The following KCTD3 variants were observed in gnomAD, a reference collection of about 807,000 sequenced individuals.
The protein encoded by KCTD3 is potassium channel tetramerization domain containing 3.
KCTD3 carries 41 observed loss-of-function variants against 85.8 expected under a neutral mutation model. The observed-to-expected ratio is 0.48, with a 90% CI of 0.37 to 0.62. The LOEUF (loss-of-function observed/expected upper bound fraction) is 0.62, where lower values mean the gene tolerates loss of function less well. Ranked by LOEUF, KCTD3 falls within the 20% of genes least tolerant of loss-of-function variation. The pLI is 0.00. For synonymous variants in KCTD3, 338 were observed against 345.4 expected, an observed-to-expected ratio of 0.98 and a Z score of 0.24; for missense variants, 724 against 989.9, an observed-to-expected ratio of 0.73 and a Z score of 3.60.
Position 215,567,642 on chromosome 1 carries a change from C to G in KCTD3, c.-44C>G, listed in dbSNP as rs775243140. The G allele has an allele frequency of 2.0e-5, 24 of 1,192,590 alleles. No homozygotes were observed. The Middle Eastern group carries it at 9.0e-4, about 45-fold the overall frequency. The allele number at this position is 1,192,590 out of a possible 1,614,324, so 73.9% of individuals were successfully genotyped here. On this transcript the variant is annotated 5_prime_UTR_variant, in exon 1 of 18. Transcript: ENST00000259154. ...GCTACAGCCCCGGGCTCGGCGGTCC[C>G]GGCTGGGGAAGGAGGGCGGCGAGCG...
intron 9 of KCTD3, among the ~76,000 whole-genome samples, chr1:215,590,540 T>A (rs999169880): frequency 1.3e-5 from 2 of 152,126 alleles, no homozygotes; most frequent in African/African-American, 4.8e-5. Flanking sequence ...TTTATTTCAT[T>A]TTTTTCTCCA....
intron 10 of KCTD3, among the ~76,000 whole-genome samples, chr1:215,596,716 A>G (rs1558237657): frequency 6.6e-6 from 1 of 152,204 alleles, no homozygotes; most frequent in Non-Finnish European, 1.5e-5. Flanking sequence ...GAAGGAAAGC[A>G]GAGAATCCAA....
At chr1:215,617,627 A>G (rs986738089) in intron 15 of KCTD3, among the ~76,000 whole-genome samples, 2 of 151,710 alleles carry the variant, frequency 1.3e-5, no homozygotes, top group Admixed American at 1.3e-4. Context: ...TCAGAAGGGG[A>G]TAGCTGACCT....
chr1:215,595,218 A>G, intron 9 of KCTD3, 138 bp from the exon 10 acceptor site: 2 of 594,038 alleles, frequency 3.4e-6, no homozygotes, highest in Admixed American at 2.9e-5. Flanking sequence ...TCTTATTTCT[A>G]GTCCCCAACA....
intron 14 of KCTD3, among the ~76,000 whole-genome samples, chr1:215,610,510 A>G (rs1005419019): frequency 2.2e-4 from 34 of 152,036 alleles, no homozygotes; most frequent in African/African-American, 7.2e-4. Flanking sequence ...ATGAAGTTCA[A>G]AGGGAGAGAA....
rs1655698152 is a variant in KCTD3 at position 215,621,714 on chromosome 1, T to TA, written c.*1100dup. On this transcript the variant is annotated 3_prime_UTR_variant, in exon 18 of 18. Coordinates refer to ENST00000259154, the MANE Select transcript of KCTD3 (RefSeq NM_016121.5). Reference sequence around the variant, plus strand: ...GAAATATAAGTGAGTGAAGTTGAAATAAAATCTTTAAAATTTACTATATTG... The same window carrying TA: ...GAAATATAAGTGAGTGAAGTTGAAATAAAAATCTTTAAAATTTACTATATTG... 6.6e-6 allele frequency: 1 copy of TA among 152,504 alleles called. No homozygotes were observed. Among genetic ancestry groups the TA allele is most frequent in the Admixed American group, 6.6e-5 (1 of 15,260 alleles). 9.4% of individuals were successfully genotyped at this position (152,504 alleles called of 1,614,324 possible).
At position 215,620,883 on chromosome 1, in the gene KCTD3, G is replaced by T; in HGVS notation, c.*265G>T. ...TTTTAACACTTACCGACTTTTTTTG[G>T]TTTGGAAACATATTACCACGTCTTA... On this transcript the variant is annotated 3_prime_UTR_variant, in exon 18 of 18. Transcript: ENST00000259154. The T allele has an allele frequency of 2.4e-6, 1 of 425,384 alleles. No homozygotes were observed. Among genetic ancestry groups the T allele is most frequent in the Non-Finnish European group, 4.1e-6 (1 of 242,484 alleles). 26.4% of individuals were successfully genotyped at this position (425,384 alleles called of 1,614,324 possible).
At chr1:215,588,643 C>T (rs965880898) in intron 9 of KCTD3, among the ~76,000 whole-genome samples, 3 of 152,098 alleles carry the variant, frequency 2.0e-5, no homozygotes, top group African/African-American at 7.2e-5. Context: ...AACACTTTGA[C>T]TATTTCAGCA....
In KCTD3 at chr1:215,567,794, A is replaced by G. The variant is rs965427175; in HGVS notation, c.83+26A>G. 6.6e-5 allele frequency: 81 copies of G among 1,226,110 alleles called. 2 individuals carry two copies. The highest frequency in any genetic ancestry group is 7.3e-5 in the Non-Finnish European group (71 of 973,348). The allele number at this position is 1,226,110 out of a possible 1,614,324, so 76.0% of individuals were successfully genotyped here. ...GTGAGTCGGCGGGTAGCGGGCTTGCAGCGGGGATGCCTTGGCGGCCTCCTC... is the reference window on the plus strand; with the variant it reads ...GTGAGTCGGCGGGTAGCGGGCTTGCGGCGGGGATGCCTTGGCGGCCTCCTC... On this transcript the variant is annotated intron_variant, in intron 1 of 17. Transcript: ENST00000259154.
intron 13 of KCTD3, among the ~76,000 whole-genome samples, chr1:215,606,090 C>T (rs1655010706): frequency 6.6e-6 from 1 of 152,148 alleles, no homozygotes; most frequent in East Asian, 1.9e-4. Context: ...TCTTCCCAAT[C>T]CCATGTCACT....
chr1:215,591,812 G>A lies in KCTD3; in HGVS notation c.818-3544G>A, dbSNP rs115139035. Among the ~76,000 whole-genome samples the A allele has an allele frequency of 4.9e-3, 750 of 152,104 alleles. 8 individuals carry two copies. The highest frequency in any genetic ancestry group is 0.017 in the African/African-American group (693 of 41,468). ...TACTAACTCTAGCCTCAAGTTCTTC[G>A]CCTCCTCAGTTCAGGGAAATCATCT... On this transcript the variant is annotated intron_variant, in intron 9 of 17. Coordinates refer to ENST00000259154, the MANE Select transcript of KCTD3 (RefSeq NM_016121.5).
rs540094129 is a variant in KCTD3 at position 215,620,532 on chromosome 1, G to C, written c.2362G>C (p.Gly788Arg). The C allele has an allele frequency of 5.0e-6, 8 of 1,613,720 alleles. No homozygotes were observed. The South Asian group carries it at 8.8e-5, about 18-fold the overall frequency. Residue 788 changes from glycine to arginine, a missense_variant, in exon 18 of 18, where the codon GGT becomes CGT. Gly to Arg is a moderately radical substitution (Grantham distance 125). Coordinates refer to ENST00000259154, the MANE Select transcript of KCTD3 (RefSeq NM_016121.5). ...TTCCGATGGAGGAACTGACTCACCT[G>C]GTACTGCGTCCCCATCTCCTACAAA... ...STSDGGTDSP[G>R]TASPSPTKTT...
rs374406237 is a variant in KCTD3 at position 215,614,918 on chromosome 1, T to C, written c.1562+2997T>C. Among the ~76,000 whole-genome samples, 11 of 152,340 alleles carry C rather than the reference T, an allele frequency of 7.2e-5. No individual in the cohort carries two copies. The South Asian group carries it at 2.3e-3, about 32-fold the overall frequency. On this transcript the variant is annotated intron_variant, in intron 15 of 17. Transcript: ENST00000259154. ...TGACTGTGATGTAGTGTTCTCTGCA[T>C]AGTGAAGAAACTGCCAAATGTTATT...
At chr1:215,570,024 GC>G (rs1179016982) in intron 1 of KCTD3, among the ~76,000 whole-genome samples, 3 of 152,142 alleles carry the variant, frequency 2.0e-5, no homozygotes, top group African/African-American at 7.2e-5. Context: ...GCATTTTAGA[GC>G]TAGATGAGAT....
chr1:215,619,134 GA>G lies in KCTD3; in HGVS notation c.1748-18del. 6.2e-7 allele frequency: 1 copy of G among 1,610,170 alleles called. No individual in the cohort carries two copies. The highest frequency in any genetic ancestry group is 1.1e-5 in the South Asian group (1 of 90,472). On this transcript the variant is annotated intron_variant, in intron 16 of 17. Transcript: ENST00000259154. Reference sequence around the variant, plus strand: ...AGCTTTTCACTTAAGTGATTTTAATGACTATTTGTTCTCCTAAGATGTAGGT... The same window carrying G: ...AGCTTTTCACTTAAGTGATTTTAATGCTATTTGTTCTCCTAAGATGTAGGT...
chr1:215,616,111 A>T (rs950369573), intron 15 of KCTD3, among the ~76,000 whole-genome samples: 1 of 152,102 alleles, frequency 6.6e-6, no homozygotes, highest in Admixed American at 6.5e-5. Flanking sequence ...CACCTTGGGG[A>T]AAAAGAAGAT....
rs545295834 is a variant in KCTD3 at position 215,620,650 on chromosome 1, C to T, written c.*32C>T. 7.0e-7 allele frequency: 1 copy of T among 1,426,654 alleles called. No individual in the cohort carries two copies. The highest frequency in any genetic ancestry group is 1.4e-5 in the African/African-American group (1 of 69,956). The allele number at this position is 1,426,654 out of a possible 1,614,324, so 88.4% of individuals were successfully genotyped here. On this transcript the variant is annotated 3_prime_UTR_variant, in exon 18 of 18. Transcript: ENST00000259154. ...ACCAAAATGAATAGTTGTTTCGTTA[C>T]ATTTAGATGAAAGTTAAACTTTACT... is the stretch of plus-strand genomic sequence containing the variant.
intron 3 of KCTD3, among the ~76,000 whole-genome samples, chr1:215,574,861 A>C (rs897713166): frequency 1.3e-5 from 2 of 152,210 alleles, no homozygotes. Flanking sequence ...TTCCCTTTCT[A>C]ATTGATTTAC....
chr1:215,619,084 C>G lies in KCTD3; in HGVS notation c.1747+14C>G, dbSNP rs1655565031. 1.2e-6 allele frequency: 2 copies of G among 1,609,262 alleles called. No homozygotes were observed. The highest frequency in any genetic ancestry group is 2.7e-5 in the African/African-American group (2 of 74,904). Reference sequence around the variant, plus strand: ...GTGAAGATAAGGGTAGGTTCTCATACAGAAAGATGTTTGTCACAAGGTTAA... The same window carrying G: ...GTGAAGATAAGGGTAGGTTCTCATAGAGAAAGATGTTTGTCACAAGGTTAA... On this transcript the variant is annotated intron_variant, in intron 16 of 17. Transcript: ENST00000259154.
Sources: allele counts gnomAD v4.1 joint callset (sites outside exome capture counted in the v4.1 genomes callset), GRCh38; gene constraint gnomAD v4.1.1; transcripts MANE v1.5; gene names NCBI Gene and HGNC (gene_info 2026-07-23, HGNC 2026-07-21).